Variants in TMC1 observed in about 807,000 individuals in gnomAD.
TMC1 encodes transmembrane channel-like protein 1.
In TMC1, 84 loss-of-function variants were observed where a neutral mutation model predicts 105.8. The ratio of observed to expected loss-of-function variants is 0.79; its 90% CI spans 0.67 to 0.95. The LOEUF (loss-of-function observed/expected upper bound fraction) is 0.95. TMC1 is among the 40% of genes least tolerant of loss of function. The probability of loss-of-function intolerance (pLI) is 0.00; values close to 1 mark genes in which losing one functional copy is unlikely to be tolerated. For synonymous variants in TMC1, 315 were observed against 311.5 expected (o/e 1.01, Z -0.12); for missense variants, 817 against 914.1 (o/e 0.89, Z 1.37).
intron 1 of TMC1, among the ~76,000 whole-genome samples, chr9:72,553,264 A>G (rs1350452006): frequency 6.6e-6 from 1 of 152,150 alleles, no homozygotes; most frequent in Non-Finnish European, 1.5e-5. Context: ...TGAGTCACCA[A>G]GCCTGGCTCC....
intron 18 of TMC1, among the ~76,000 whole-genome samples, chr9:72,806,817 C>A (rs1304000101): frequency 6.9e-6 from 1 of 144,638 alleles, no homozygotes; most frequent in Non-Finnish European, 1.5e-5. Flanking sequence ...ACATCCCAGA[C>A]GATGGGCGGC....
chr9:72,685,071 A>G (rs1183508646), intron 5 of TMC1, among the ~76,000 whole-genome samples: 1 of 149,662 alleles, frequency 6.7e-6, no homozygotes, highest in African/African-American at 2.5e-5. Context: ...CCCATACATA[A>G]TCTCAAACCT....
chr9:72,829,499 A>C (rs1200834828), intron 21 of TMC1, among the ~76,000 whole-genome samples: 1 of 152,208 alleles, frequency 6.6e-6, no homozygotes, highest in South Asian at 2.1e-4. Context: ...TACACACCAC[A>C]CACAAACACA....
chr9:72,586,540 A>AACTCAC (rs1455975018), intron 2 of TMC1, among the ~76,000 whole-genome samples: 1 of 152,128 alleles, frequency 6.6e-6, no homozygotes, highest in Non-Finnish European at 1.5e-5. Context: ...AATAAGGAAA[A>AACTCAC]ACTCACACCC....
chr9:72,789,373 G>T, intron 15 of TMC1, 56 bp downstream of exon 15: 1 of 1,567,046 alleles, frequency 6.4e-7, no homozygotes, highest in South Asian at 1.1e-5. Flanking sequence ...TTCTTTTGTG[G>T]GTTATGTTTC....
rs372613212 is a variant in TMC1 at position 72,746,081 on chromosome 9, T to C, written c.535+3556T>C. Among the ~76,000 whole-genome samples, 7 of 152,212 alleles carry C rather than the reference T, an allele frequency of 4.6e-5. No homozygotes were observed. In the East Asian group the frequency reaches 9.6e-4, roughly 21 times the overall value. Reference sequence around the variant, plus strand: ...TATATAATTGCCTTCTCAAATTCTTTTTGAAATAAAGTTGGTTAAGTGTGT... The same window carrying C: ...TATATAATTGCCTTCTCAAATTCTTCTTGAAATAAAGTTGGTTAAGTGTGT... On this transcript the variant is annotated intron_variant, in intron 10 of 23. Transcript: ENST00000297784.
chr9:72,578,791 C>T (rs568695986), intron 2 of TMC1, among the ~76,000 whole-genome samples: 7 of 152,302 alleles, frequency 4.6e-5, no homozygotes, highest in East Asian at 1.9e-4. Context: ...CCATGTCACC[C>T]GCAGCCTTTC....
intron 5 of TMC1, among the ~76,000 whole-genome samples, chr9:72,684,679 G>C (rs1013316949): frequency 6.6e-6 from 1 of 152,032 alleles, no homozygotes; most frequent in Non-Finnish European, 1.5e-5. Context: ...GTCATGCTTG[G>C]ATGTCTAGAC....
chr9:72,714,844 G>A (rs998947922), intron 8 of TMC1, among the ~76,000 whole-genome samples: 14 of 152,088 alleles, frequency 9.2e-5, no homozygotes, highest in Non-Finnish European at 1.3e-4. Flanking sequence ...TAGTTGATGC[G>A]ATTTCTTCAT....
intron 1 of TMC1, among the ~76,000 whole-genome samples, chr9:72,539,218 AC>A (rs1823635883): frequency 1.0e-5 from 1 of 99,950 alleles, no homozygotes; most frequent in Admixed American, 9.6e-5. Flanking sequence ...CCCCATCTCT[AC>A]AAAAAATACA....
At chr9:72,684,537 C>T (rs151303114) in intron 5 of TMC1, among the ~76,000 whole-genome samples, 189 of 152,264 alleles carry the variant, frequency 1.2e-3, no homozygotes, top group African/African-American at 4.3e-3. Flanking sequence ...TGTTTACCCT[C>T]ATTTTCTTTG....
chr9:72,741,760 A>G (rs1237127870), intron 9 of TMC1: 2 of 152,422 alleles, frequency 1.3e-5, no homozygotes, highest in African/African-American at 4.8e-5. Context: ...TACATGCAAA[A>G]TTCTCTGCCA....
At chr9:72,591,130 A>C (rs999771892) in intron 2 of TMC1, among the ~76,000 whole-genome samples, 1 of 152,158 alleles carries the variant, frequency 6.6e-6, no homozygotes, top group African/African-American at 2.4e-5. Context: ...GTGGCTTTAA[A>C]CACAGGCCCC....
rs75977294 is a variant in TMC1 at position 72,657,731 on chromosome 9, G to A, written c.16+9067G>A. Among the ~76,000 whole-genome samples, 1,491 of 152,206 alleles carry A rather than the reference G, an allele frequency of 9.8e-3. 29 individuals are homozygous for A. The highest frequency in any genetic ancestry group is 0.034 in the African/African-American group (1,420 of 41,516). On this transcript the variant is annotated intron_variant, in intron 5 of 23. Coordinates refer to ENST00000297784, the MANE Select transcript of TMC1 (RefSeq NM_138691.3). ...GTCTAATGTCTTTATAGGTCTTGGA[G>A]AAACTTGAAGAAGGGTTGTAAAGTC...
chr9:72,762,071 G>A (rs147684874), intron 12 of TMC1, among the ~76,000 whole-genome samples: 7 of 152,218 alleles, frequency 4.6e-5, no homozygotes, highest in South Asian at 2.1e-4. Context: ...GCTTTTAGAT[G>A]GTAATGCAGG....
chr9:72,651,776 A>G (rs756712581), intron 5 of TMC1, among the ~76,000 whole-genome samples: 5 of 152,100 alleles, frequency 3.3e-5, no homozygotes, highest in Non-Finnish European at 5.9e-5. Flanking sequence ...TTAAAATTTC[A>G]GTAAGTTTTT....
rs538243141 is a variant in TMC1, at chr9:72,744,227, C to G, written c.535+1702C>G. ...CTTTAATTTCCTCCTTAACACTTAC[C>G]GCTATCTAAAATGCTATATCTTTAA... On this transcript the variant is annotated intron_variant, in intron 10 of 23. Transcript: ENST00000297784. 9.9e-5 allele frequency among the ~76,000 whole-genome samples: 15 copies of G among 152,176 alleles called. No homozygotes were observed. In the South Asian group the frequency reaches 2.5e-3, roughly 25 times the overall value.
chr9:72,630,327 T>C (rs1002752135), intron 4 of TMC1, among the ~76,000 whole-genome samples: 4 of 152,250 alleles, frequency 2.6e-5, no homozygotes, highest in African/African-American at 7.2e-5. Flanking sequence ...AAATATTTAA[T>C]ATTGGTAAGA....
Position 72,619,828 on chromosome 9 carries a change from AATTAATTT to A in TMC1, c.-196+3355_-196+3362del, listed in dbSNP as rs1246825369. On this transcript the variant is annotated intron_variant, in intron 3 of 23. Transcript: ENST00000297784. ...AACTTATTTAATTAATTAATTAATTAATTAATTTATTTATTTATTTACTTTGAGACAGA... is the reference window on the plus strand; with the variant it reads ...AACTTATTTAATTAATTAATTAATTAATTTATTTATTTACTTTGAGACAGA... 4.4e-3 allele frequency among the ~76,000 whole-genome samples: 615 copies of A among 140,914 alleles called. 7 individuals are homozygous for A. The highest frequency in any genetic ancestry group is 4.6e-3 in the Non-Finnish European group (285 of 61,454). The allele number at this position is 140,914 out of a possible 152,430, so 92.4% of individuals were successfully genotyped here. A position where few individuals can be genotyped will look rare whatever the true frequency, so the allele number is the denominator to read the frequency against.
Sources: allele counts gnomAD v4.1 joint callset (sites outside exome capture counted in the v4.1 genomes callset), GRCh38; gene constraint gnomAD v4.1.1; transcripts MANE v1.5; gene names NCBI Gene and HGNC (gene_info 2026-07-23, HGNC 2026-07-21).